EIF4ENIF1: variants seen among roughly 807,000 people sequenced by gnomAD.
The protein encoded by EIF4ENIF1 is eukaryotic translation initiation factor 4E transporter.
A neutral mutation model predicts 110.5 loss-of-function variants in EIF4ENIF1; 23 were observed. That is an observed-to-expected ratio of 0.21 (90% CI 0.15 to 0.29). EIF4ENIF1 has a LOEUF of 0.29. Ranked by LOEUF, EIF4ENIF1 falls within the 10% of genes least tolerant of loss-of-function variation. The pLI is 1.00. For missense variants in EIF4ENIF1, 1,031 were observed against 1,221.1 expected, an observed-to-expected ratio of 0.84 and a Z score of 2.32; for synonymous variants, 440 against 437.0, an observed-to-expected ratio of 1.01 and a Z score of -0.09.
rs367764855 is a variant in EIF4ENIF1, at chr22:31,446,144, G to C, written c.1988+1282C>G. Among the ~76,000 whole-genome samples, 10 of 151,956 alleles carry C rather than the reference G, an allele frequency of 6.6e-5. No homozygotes were observed. The East Asian group carries it at 1.7e-3, about 27-fold the overall frequency. On this transcript the variant is annotated intron_variant, in intron 14 of 18. Transcript: ENST00000330125. ...ACTAAAAATACAAAAAACTAGCCGG[G>C]TGTGGTGGCACACTCCTGTAATCCT...
upstream of EIF4ENIF1, among the ~76,000 whole-genome samples, chr22:31,492,785 G>A (rs1198043021): frequency 6.6e-6 from 1 of 152,204 alleles, no homozygotes; most frequent in Non-Finnish European, 1.5e-5. Context: ...AGGCTGGAGT[G>A]CAATGGTGTG....
In EIF4ENIF1 at chr22:31,450,278, T is replaced by C. The variant is rs529241777; in HGVS notation, c.1584+11A>G. ...AAGACTCCAAGGCCTCAGTATAAGA[T>C]TGTGAAGTACCTGCAGGATGTTCTT... On this transcript the variant is annotated intron_variant, in intron 11 of 18. Transcript: ENST00000330125. The C allele has an allele frequency of 2.5e-5, 40 of 1,611,784 alleles. No homozygotes were observed. The East Asian group carries it at 7.6e-4, about 31-fold the overall frequency.
chr22:31,438,660 G>A (rs921725903), downstream of EIF4ENIF1, among the ~76,000 whole-genome samples: 3 of 152,092 alleles, frequency 2.0e-5, no homozygotes, highest in Non-Finnish European at 4.4e-5. Context: ...TGACCTGTTG[G>A]GGTCTTTAAA....
intron 2 of EIF4ENIF1, among the ~76,000 whole-genome samples, chr22:31,475,930 T>C (rs1345539776): frequency 2.7e-5 from 4 of 147,210 alleles, no homozygotes; most frequent in African/African-American, 1.0e-4. Context: ...GTCAGATCTG[T>C]AGGGTTAGCA....
chr22:31,446,945 C>T lies in EIF4ENIF1; in HGVS notation c.1988+481G>A, dbSNP rs966086256. ...CAGCTCTGATCAACAAACCTGTCAG[C>T]TCTGGCCAAAAAACTGCTGATGTAG... On this transcript the variant is annotated intron_variant, in intron 14 of 18. Transcript: ENST00000330125. The T allele has an allele frequency of 1.3e-5, 6 of 464,024 alleles. No individual in the cohort carries two copies. The East Asian group carries it at 4.2e-4, about 33-fold the overall frequency. 28.7% of individuals were successfully genotyped at this position (464,024 alleles called of 1,614,324 possible). A position where few individuals can be genotyped will look rare whatever the true frequency, so the allele number is the denominator to read the frequency against.
intron 14 of EIF4ENIF1, among the ~76,000 whole-genome samples, chr22:31,445,175 A>C (rs912914011): frequency 6.6e-6 from 1 of 152,172 alleles, no homozygotes; most frequent in Non-Finnish European, 1.5e-5. Context: ...TACACCAGTG[A>C]GGTGCGCTAG....
chr22:31,440,342 T>G (rs2050252323), intron 18 of EIF4ENIF1, among the ~76,000 whole-genome samples: 1 of 152,182 alleles, frequency 6.6e-6, no homozygotes, highest in Admixed American at 6.5e-5. Flanking sequence ...CTGGATGACA[T>G]GACCGCTACT....
At chr22:31,439,303 C>A (rs2050223186), downstream of EIF4ENIF1, 1 of 153,282 alleles carries the variant, frequency 6.5e-6, no homozygotes, top group African/African-American at 2.4e-5. Flanking sequence ...CAGAGTGAGA[C>A]CCTGTCTCCA....
At chr22:31,460,859 T>C (rs931302552) in intron 6 of EIF4ENIF1, among the ~76,000 whole-genome samples, 2 of 152,046 alleles carry the variant, frequency 1.3e-5, no homozygotes, top group African/African-American at 4.8e-5. Context: ...GGCAGGAGAA[T>C]GGCGTGAACC....
chr22:31,469,401 G>T (rs903263548), intron 3 of EIF4ENIF1, among the ~76,000 whole-genome samples: 1 of 152,186 alleles, frequency 6.6e-6, no homozygotes, highest in African/African-American at 2.4e-5. Context: ...AATGCCCCAT[G>T]AAGCCACGGA....
At chr22:31,441,496 C>T (rs911309305) in intron 17 of EIF4ENIF1, among the ~76,000 whole-genome samples, 7 of 146,790 alleles carry the variant, frequency 4.8e-5, no homozygotes, top group South Asian at 2.2e-4. Context: ...GCTGAGATTG[C>T]GCCACTGCAC....
intron 17 of EIF4ENIF1, among the ~76,000 whole-genome samples, chr22:31,441,549 G>GGA (rs2050297232): frequency 1.5e-4 from 8 of 53,922 alleles, no homozygotes; most frequent in Non-Finnish European, 2.4e-4. Context: ...TCTACAAAAA[G>GGA]GAAAAAAAAA....
At chr22:31,477,064 A>G (rs185971632) in intron 2 of EIF4ENIF1, among the ~76,000 whole-genome samples, 1 of 151,432 alleles carries the variant, frequency 6.6e-6, no homozygotes, top group East Asian at 1.9e-4. Context: ...TCCAGGCCGC[A>G]ATGAGCTGTA....
intron 2 of EIF4ENIF1, among the ~76,000 whole-genome samples, chr22:31,477,233 G>A (rs551669761): frequency 1.3e-5 from 2 of 151,674 alleles, no homozygotes; most frequent in African/African-American, 2.4e-5. Flanking sequence ...GTATGATGGC[G>A]CATGCCTGTA....
chr22:31,443,144 T>A (rs1452633730), intron 15 of EIF4ENIF1, 50 bp from the exon 16 acceptor site: 1 of 1,599,782 alleles, frequency 6.3e-7, no homozygotes, highest in African/African-American at 1.3e-5. Context: ...TGCCGTTCTC[T>A]AATACTAAGC....
intron 6 of EIF4ENIF1, among the ~76,000 whole-genome samples, chr22:31,462,152 G>T (rs992926826): frequency 4.1e-5 from 6 of 146,808 alleles, no homozygotes; most frequent in Admixed American, 6.8e-5. Context: ...ACGAGTTAGG[G>T]AAACAGTATG....
At chr22:31,488,332 A>G (rs1303812520) in intron 2 of EIF4ENIF1, among the ~76,000 whole-genome samples, 1 of 152,194 alleles carries the variant, frequency 6.6e-6, no homozygotes, top group Non-Finnish European at 1.5e-5. Flanking sequence ...TAAACGTACC[A>G]ATTACATAGC....
chr22:31,450,169 T>C (rs1194375355), intron 11 of EIF4ENIF1, 120 bp downstream of exon 11: 3 of 754,628 alleles, frequency 4.0e-6, no homozygotes, highest in Non-Finnish European at 6.8e-6. Flanking sequence ...CAATATCACC[T>C]CTCTGATTGC....
chr22:31,442,507 C>T (rs369609408), intron 16 of EIF4ENIF1, among the ~76,000 whole-genome samples: 42 of 152,162 alleles, frequency 2.8e-4, no homozygotes, highest in African/African-American at 1.0e-3. Context: ...TCTGTAAACC[C>T]TAATTTGGAA....
Sources: allele counts gnomAD v4.1 joint callset (sites outside exome capture counted in the v4.1 genomes callset), GRCh38; gene constraint gnomAD v4.1.1; transcripts MANE v1.5; gene names NCBI Gene and HGNC (gene_info 2026-07-23, HGNC 2026-07-21).